Variants in SLC41A3 observed in about 807,000 individuals in gnomAD.
SLC41A3 encodes the protein SLC41A1-like 2.
SLC41A3 carries 44 observed loss-of-function variants against 45.4 expected under a neutral mutation model. That is an observed-to-expected ratio of 0.97 (90% confidence interval 0.76 to 1.25). SLC41A3 has a LOEUF of 1.25. Ranked by LOEUF, SLC41A3 falls within the 50% of genes most tolerant of loss-of-function variation. The pLI is 0.00. For missense variants in SLC41A3, 550 were observed against 600.6 expected (o/e 0.92, Z 0.88); for synonymous variants, 256 against 252.4 (o/e 1.01, Z -0.13).
At chr3:126,060,687 T>TG (rs5852467) in intron 2 of SLC41A3, among the ~76,000 whole-genome samples, 52,837 of 152,146 alleles carry the variant, frequency 0.35, 9,484 homozygotes, top group East Asian at 0.52. Flanking sequence ...CACAGCTCAC[T>TG]GGGTTATAAT....
At chr3:126,071,909 T>TACAG (rs937122369) in intron 1 of SLC41A3, among the ~76,000 whole-genome samples, 3 of 152,042 alleles carry the variant, frequency 2.0e-5, no homozygotes, top group Middle Eastern at 3.2e-3. Flanking sequence ...TAGCTGGGAC[T>TACAG]ACAGGTGTGT....
At chr3:126,053,910 C>T (rs1943499410) in intron 2 of SLC41A3, among the ~76,000 whole-genome samples, 1 of 152,108 alleles carries the variant, frequency 6.6e-6, no homozygotes, top group African/African-American at 2.4e-5. Context: ...CAAGTCATCA[C>T]AACTTTTAAA....
intron 1 of SLC41A3, among the ~76,000 whole-genome samples, chr3:126,092,310 C>T (rs760680817): frequency 6.6e-6 from 1 of 152,280 alleles, no homozygotes; most frequent in East Asian, 1.9e-4. Context: ...CATGAGCAAT[C>T]TGTGCCTTAA....
chr3:126,014,687 CTG>C (rs1349316989), intron 8 of SLC41A3, among the ~76,000 whole-genome samples: 1 of 152,360 alleles, frequency 6.6e-6, no homozygotes, highest in Non-Finnish European at 1.5e-5. Flanking sequence ...AGGAGGGACA[CTG>C]TGGACACGCA....
At chr3:126,051,506 C>T (rs1028788975) in intron 2 of SLC41A3, among the ~76,000 whole-genome samples, 10 of 151,950 alleles carry the variant, frequency 6.6e-5, no homozygotes, top group African/African-American at 2.4e-4. Context: ...GCCCCCAGGT[C>T]CAGGGACTGC....
chr3:126,079,962 C>T (rs1398467987), intron 1 of SLC41A3, among the ~76,000 whole-genome samples: 1 of 152,132 alleles, frequency 6.6e-6, no homozygotes, highest in African/African-American at 2.4e-5. Flanking sequence ...AAGGAACATA[C>T]TCTGGGGAAA....
At chr3:126,057,079 A>ACTC in intron 2 of SLC41A3, 2 of 993,062 alleles carry the variant, frequency 2.0e-6, no homozygotes, top group Non-Finnish European at 2.4e-6. Flanking sequence ...GCCTGGGGAG[A>ACTC]GATCAGCACA....
intron 3 of SLC41A3, among the ~76,000 whole-genome samples, chr3:126,045,040 G>T (rs996230853): frequency 6.7e-6 from 1 of 149,532 alleles, no homozygotes; most frequent in African/African-American, 2.5e-5. Flanking sequence ...ACAACCAGTG[G>T]GTCCAAAAAA....
intron 3 of SLC41A3, among the ~76,000 whole-genome samples, chr3:126,039,373 A>G (rs950823022): frequency 2.6e-5 from 4 of 152,232 alleles, no homozygotes; most frequent in Non-Finnish European, 5.9e-5. Context: ...TCATTGTAGA[A>G]GAATACAAAT....
chr3:126,087,758 T>G (rs905973220), upstream of SLC41A3, among the ~76,000 whole-genome samples: 1 of 150,896 alleles, frequency 6.6e-6, no homozygotes, highest in African/African-American at 2.4e-5. Flanking sequence ...GAATGGTCTA[T>G]GTAAGTTGTA....
At chr3:126,012,561 G>A (rs1331517938) in intron 9 of SLC41A3, 54 bp downstream of exon 9, 2 of 1,604,732 alleles carry the variant, frequency 1.2e-6, no homozygotes, top group African/African-American at 1.3e-5. Flanking sequence ...TGACACCGAT[G>A]TTTTCTTGTT....
At chr3:126,083,094 C>T (rs1438237621) in intron 1 of SLC41A3, among the ~76,000 whole-genome samples, 1 of 152,180 alleles carries the variant, frequency 6.6e-6, no homozygotes, top group African/African-American at 2.4e-5. Flanking sequence ...TGGAGTCATG[C>T]ATTATCATCA....
At chr3:126,041,750 G>C (rs999703367) in intron 3 of SLC41A3, among the ~76,000 whole-genome samples, 4 of 152,236 alleles carry the variant, frequency 2.6e-5, no homozygotes, top group Admixed American at 1.3e-4. Context: ...AGCTGACAAA[G>C]AGTGGCACCA....
upstream of SLC41A3, among the ~76,000 whole-genome samples, chr3:126,087,537 G>T (rs1035879150): frequency 6.6e-6 from 1 of 151,808 alleles, no homozygotes; most frequent in Non-Finnish European, 1.5e-5. Flanking sequence ...CTTATTTAAA[G>T]GTTATGTATA....
intron 3 of SLC41A3, among the ~76,000 whole-genome samples, chr3:126,035,118 T>C (rs1942086919): frequency 6.6e-6 from 1 of 152,122 alleles, no homozygotes; most frequent in African/African-American, 2.4e-5. Flanking sequence ...GGAAGAAGTA[T>C]GGCAAGAGGT....
intron 3 of SLC41A3, among the ~76,000 whole-genome samples, chr3:126,049,659 C>T (rs1272371605): frequency 6.6e-6 from 1 of 152,224 alleles, no homozygotes; most frequent in East Asian, 1.9e-4. Context: ...ATGTTACCAG[C>T]TGCTCAGACA....
At position 126,071,967 on chromosome 3, in the gene SLC41A3, A is replaced by AT. The variant is rs77852991; in HGVS notation, c.-27-3722dup. Among the ~76,000 whole-genome samples the AT allele has an allele frequency of 6.5e-3, 991 of 151,980 alleles. 28 individuals are homozygous for AT. The East Asian group carries it at 0.082, about 13-fold the overall frequency. On this transcript the variant is annotated intron_variant, in intron 1 of 10. Transcript: ENST00000360370. ...TTTTTTAAAGTTTTGTAGAGATGGG[A>AT]TATCACTGTGTTGCTCAGGCTGGTC...
chr3:126,046,061 A>AAAC (rs1553735579), intron 3 of SLC41A3, among the ~76,000 whole-genome samples: 2 of 150,492 alleles, frequency 1.3e-5, no homozygotes, highest in Non-Finnish European at 3.0e-5. Context: ...AAAAAAAAAA[A>AAAC]ACACCCAACA....
chr3:126,090,030 T>G (rs1945460496), intron 1 of SLC41A3, among the ~76,000 whole-genome samples: 1 of 21,026 alleles, frequency 4.8e-5, no homozygotes, highest in East Asian at 9.5e-4. Flanking sequence ...AAGAAAATCT[T>G]TTTTTTTTTT....
Sources: allele counts gnomAD v4.1 joint callset (sites outside exome capture counted in the v4.1 genomes callset), GRCh38; gene constraint gnomAD v4.1.1; transcripts MANE v1.5; gene names NCBI Gene and HGNC (gene_info 2026-07-23, HGNC 2026-07-21).